Variants in FSTL5 observed in about 807,000 individuals in gnomAD.
FSTL5 encodes follistatin-related protein 5.
A neutral mutation model predicts 89.1 loss-of-function variants in FSTL5; 62 were observed. The observed-to-expected ratio is 0.70, with a 90% CI of 0.57 to 0.86. The LOEUF (loss-of-function observed/expected upper bound fraction) is 0.86, where lower values mean the gene tolerates loss of function less well. Ranked by LOEUF, FSTL5 falls within the 40% of genes least tolerant of loss-of-function variation. FSTL5 has a pLI of 0.00. For synonymous variants in FSTL5, 383 were observed against 346.2 expected (o/e 1.11, Z -1.18); for missense variants, 1,057 against 1,001.6 (o/e 1.06, Z -0.75).
intron 15 of FSTL5, among the ~76,000 whole-genome samples, chr4:161,438,918 T>C (rs62326370): frequency 0.1 from 15,887 of 151,924 alleles, 831 homozygotes; most frequent in Middle Eastern, 0.14. Context: ...CTAAAGTCTA[T>C]GCTGGTATTA....
chr4:161,393,462 C>A (rs903078939), intron 15 of FSTL5, among the ~76,000 whole-genome samples: 1 of 151,930 alleles, frequency 6.6e-6, no homozygotes, highest in East Asian at 2.0e-4. Context: ...TATGCCCTGA[C>A]TTTCAAAGAG....
chr4:161,974,072 A>G (rs927826373), intron 3 of FSTL5, among the ~76,000 whole-genome samples: 7 of 152,324 alleles, frequency 4.6e-5, no homozygotes, highest in Non-Finnish European at 8.8e-5. Flanking sequence ...GACCTCTTCA[A>G]GGAGAACTAC....
intron 3 of FSTL5, among the ~76,000 whole-genome samples, chr4:161,931,757 G>A (rs898156148): frequency 5.3e-5 from 8 of 152,054 alleles, no homozygotes; most frequent in Admixed American, 3.9e-4. Context: ...CATGTTTTCA[G>A]TCTTAATGTT....
chr4:161,601,754 A>G (rs1233452144), intron 7 of FSTL5, among the ~76,000 whole-genome samples: 1 of 152,124 alleles, frequency 6.6e-6, no homozygotes, highest in Non-Finnish European at 1.5e-5. Flanking sequence ...ACAAAGTAAC[A>G]CTAAAGGAAT....
intron 4 of FSTL5, among the ~76,000 whole-genome samples, chr4:161,846,372 A>C (rs2126876409): frequency 6.6e-6 from 1 of 152,232 alleles, no homozygotes; most frequent in South Asian, 2.1e-4. Context: ...TCTTCTCATT[A>C]ATAAAATAAT....
chr4:161,816,645 C>T (rs573347091), intron 4 of FSTL5, among the ~76,000 whole-genome samples: 11 of 152,200 alleles, frequency 7.2e-5, no homozygotes, highest in Admixed American at 2.0e-4. Flanking sequence ...AAAAAATTTT[C>T]GGCCCAGACT....
chr4:161,751,600 T>G (rs1165196522), intron 6 of FSTL5, among the ~76,000 whole-genome samples: 1 of 151,878 alleles, frequency 6.6e-6, no homozygotes, highest in Non-Finnish European at 1.5e-5. Flanking sequence ...CATAGCAAAG[T>G]CCCATCTCTA....
chr4:162,027,500 T>C (rs1396677430), intron 3 of FSTL5, among the ~76,000 whole-genome samples: 1 of 152,098 alleles, frequency 6.6e-6, no homozygotes. Flanking sequence ...TCAGAATTTG[T>C]ACTCAACGTT....
intron 2 of FSTL5, among the ~76,000 whole-genome samples, chr4:162,102,734 T>C (rs1343548038): frequency 1.4e-5 from 2 of 146,348 alleles, no homozygotes; most frequent in Non-Finnish European, 3.0e-5. Flanking sequence ...TATATTTATA[T>C]TCATATATAC....
At chr4:161,587,297 T>G (rs990340535) in intron 8 of FSTL5, among the ~76,000 whole-genome samples, 158 bp downstream of exon 8, 4 of 142,258 alleles carry the variant, frequency 2.8e-5, no homozygotes, top group South Asian at 2.4e-4. Context: ...AAATTTTGTG[T>G]TTTTTTTTTT....
chr4:162,141,456 C>A (rs7375984), intron 1 of FSTL5, among the ~76,000 whole-genome samples: 20,704 of 151,684 alleles, frequency 0.14, 1,961 homozygotes, highest in Non-Finnish European at 0.19. Flanking sequence ...TGTGATACAT[C>A]TGCTCTGTCT....
intron 6 of FSTL5, among the ~76,000 whole-genome samples, chr4:161,671,063 A>C (rs1033305350): frequency 3.3e-5 from 5 of 152,214 alleles, no homozygotes; most frequent in African/African-American, 1.2e-4. Flanking sequence ...GTCCAGCTCT[A>C]ATCAGCTAAT....
intron 4 of FSTL5, among the ~76,000 whole-genome samples, chr4:161,804,230 A>T (rs1729889423): frequency 6.6e-6 from 1 of 152,102 alleles, no homozygotes; most frequent in African/African-American, 2.4e-5. Flanking sequence ...CAGATAATAC[A>T]GGGTAATCAC....
At chr4:161,949,688 A>T (rs1734837532) in intron 3 of FSTL5, among the ~76,000 whole-genome samples, 1 of 151,696 alleles carries the variant, frequency 6.6e-6, no homozygotes, top group East Asian at 1.9e-4. Context: ...GTTTGTTTGC[A>T]TCATTTTTAT....
At chr4:162,136,855 A>AAT (rs1467741525) in intron 1 of FSTL5, among the ~76,000 whole-genome samples, 4 of 152,058 alleles carry the variant, frequency 2.6e-5, no homozygotes, top group Non-Finnish European at 5.9e-5. Context: ...TTAGTATGAT[A>AAT]ATATGTTTTG....
At chr4:161,422,478 T>A (rs910755652) in intron 15 of FSTL5, among the ~76,000 whole-genome samples, 4 of 152,242 alleles carry the variant, frequency 2.6e-5, no homozygotes, top group Non-Finnish European at 5.9e-5. Context: ...TTTCTTATTT[T>A]GATTACCTTT....
At chr4:161,805,296 G>T (rs986612603) in intron 4 of FSTL5, among the ~76,000 whole-genome samples, 1 of 152,092 alleles carries the variant, frequency 6.6e-6, no homozygotes, top group African/African-American at 2.4e-5. Context: ...AATTCTTCAA[G>T]ATATTCTAAA....
chr4:162,090,607 G>A (rs1214007109), intron 2 of FSTL5, among the ~76,000 whole-genome samples: 1 of 151,942 alleles, frequency 6.6e-6, no homozygotes, highest in Non-Finnish European at 1.5e-5. Context: ...GATCACTTGA[G>A]GCCAGGAGTT....
chr4:161,448,395 T>A (rs1267459272), intron 15 of FSTL5, among the ~76,000 whole-genome samples: 1 of 152,144 alleles, frequency 6.6e-6, no homozygotes. Flanking sequence ...TCCATACACC[T>A]GGCCTGTCCA....
Sources: gnomAD v4.1 joint callset for allele counts (sites outside exome capture counted in the v4.1 genomes callset) on GRCh38, gnomAD v4.1.1 for gene constraint, MANE v1.5 for transcripts, NCBI Gene and HGNC (gene_info 2026-07-23, HGNC 2026-07-21) for gene names.